TMEM51: variants seen among roughly 807,000 people sequenced by gnomAD.
The protein encoded by TMEM51 is chromosome 1 open reading frame 72.
Under a neutral mutation model 13.6 loss-of-function variants are expected in TMEM51, and 8 were observed. The ratio of observed to expected loss-of-function variants is 0.59; its 90% CI spans 0.35 to 1.07. TMEM51 has a LOEUF of 1.07. TMEM51 is among the 50% of genes least tolerant of loss of function. The pLI, the probability that TMEM51 is intolerant of heterozygous loss-of-function variation, is 0.02. For missense variants in TMEM51, 279 were observed against 330.7 expected, an observed-to-expected ratio of 0.84 and a Z score of 1.21; for synonymous variants, 147 against 144.4, an observed-to-expected ratio of 1.02 and a Z score of -0.13.
At chr1:15,171,671 CT>C (rs1450144462) in intron 1 of TMEM51, among the ~76,000 whole-genome samples, 2 of 152,228 alleles carry the variant, frequency 1.3e-5, no homozygotes, top group Non-Finnish European at 2.9e-5. Flanking sequence ...CATCTCCCAG[CT>C]TTCCACAGAT....
chr1:15,192,449 T>TTCTATTC, intron 1 of TMEM51: 1 of 161,774 alleles, frequency 6.2e-6, no homozygotes, highest in Non-Finnish European at 1.0e-5. Flanking sequence ...TTTCTTTCTT[T>TTCTATTC]CTTTTCTTTT....
intron 1 of TMEM51, among the ~76,000 whole-genome samples, chr1:15,155,498 G>T (rs1270518975): frequency 6.6e-6 from 1 of 152,216 alleles, no homozygotes; most frequent in Non-Finnish European, 1.5e-5. Context: ...ATGTCACAGG[G>T]CTTAGACGAG....
At chr1:15,200,958 G>T (rs534305240) in intron 1 of TMEM51, among the ~76,000 whole-genome samples, 10 of 152,242 alleles carry the variant, frequency 6.6e-5, no homozygotes, top group African/African-American at 2.4e-4. Context: ...GGGGGGCCCG[G>T]GAGGCACCAG....
intron 1 of TMEM51, among the ~76,000 whole-genome samples, chr1:15,173,512 C>T (rs1313035131): frequency 5.3e-5 from 8 of 152,134 alleles, no homozygotes; most frequent in African/African-American, 1.2e-4. Context: ...TGAGCTACTG[C>T]GCCTGGCCAA....
At chr1:15,158,585 T>G (rs1367561788) in intron 1 of TMEM51, among the ~76,000 whole-genome samples, 7 of 152,212 alleles carry the variant, frequency 4.6e-5, no homozygotes, top group African/African-American at 1.7e-4. Flanking sequence ...CATGCTCATC[T>G]CCAAACCCTG....
chr1:15,173,280 C>A (rs1026611900), intron 1 of TMEM51, among the ~76,000 whole-genome samples: 4 of 141,454 alleles, frequency 2.8e-5, no homozygotes, highest in African/African-American at 1.1e-4. Flanking sequence ...AGTGCAGTGG[C>A]GCAATCTCGG....
chr1:15,166,442 T>C (rs761800212), intron 1 of TMEM51, among the ~76,000 whole-genome samples: 23 of 152,164 alleles, frequency 1.5e-4, no homozygotes, highest in Non-Finnish European at 2.6e-4. Context: ...CACCCAAGGC[T>C]GGGCACGGTG....
chr1:15,163,632 A>ATTTTTTTTTTT (rs1249195394), intron 1 of TMEM51, among the ~76,000 whole-genome samples: 1 of 151,908 alleles, frequency 6.6e-6, no homozygotes. Context: ...CGAGACTGTT[A>ATTTTTTTTTTT]TTTTTTGTAA....
intron 1 of TMEM51, among the ~76,000 whole-genome samples, chr1:15,187,970 T>C (rs1432057111): frequency 6.6e-6 from 1 of 152,250 alleles, no homozygotes; most frequent in Non-Finnish European, 1.5e-5. Flanking sequence ...TGGCATTAGC[T>C]GCTCGCGCTG....
At chr1:15,182,481 C>T (rs917468492) in intron 1 of TMEM51, among the ~76,000 whole-genome samples, 4 of 152,240 alleles carry the variant, frequency 2.6e-5, no homozygotes, top group African/African-American at 7.2e-5. Context: ...GCTGTTCAAG[C>T]TCTGGGTCTC....
intron 1 of TMEM51, among the ~76,000 whole-genome samples, chr1:15,157,576 T>C (rs1239333522): frequency 6.6e-6 from 1 of 152,184 alleles, no homozygotes; most frequent in Non-Finnish European, 1.5e-5. Flanking sequence ...CCCCTTTCTG[T>C]CTGCACTTCA....
At chr1:15,159,102 GT>G (rs1353664076) in intron 1 of TMEM51, among the ~76,000 whole-genome samples, 1 of 152,222 alleles carries the variant, frequency 6.6e-6, no homozygotes, top group Non-Finnish European at 1.5e-5. Context: ...GAGCTGAGTG[GT>G]GGAGGCAGGG....
chr1:15,174,718 T>G (rs1163976650), intron 1 of TMEM51, among the ~76,000 whole-genome samples: 2 of 151,762 alleles, frequency 1.3e-5, no homozygotes, highest in Non-Finnish European at 2.9e-5. Context: ...TTCTGGGGGG[T>G]GTAGTTTAAG....
chr1:15,183,942 C>G (rs780373709), intron 1 of TMEM51, among the ~76,000 whole-genome samples: 1 of 152,198 alleles, frequency 6.6e-6, no homozygotes, highest in Non-Finnish European at 1.5e-5. Context: ...TGAAGGTGCA[C>G]GTGCCTCCTG....
chr1:15,160,888 C>T (rs945881623), intron 1 of TMEM51, among the ~76,000 whole-genome samples: 9 of 147,082 alleles, frequency 6.1e-5, no homozygotes, highest in Admixed American at 3.4e-4. Context: ...TGATCCCCCA[C>T]GGGAGGCAGC....
rs1391713826 is a variant in TMEM51, at chr1:15,214,998, G to C, written c.-90G>C. ...CTAGTGTGGGGCGAGAGATTTTGTGGAGCGCATTTAAGGGGTTTTTGTTGT... is the reference window on the plus strand; with the variant it reads ...CTAGTGTGGGGCGAGAGATTTTGTGCAGCGCATTTAAGGGGTTTTTGTTGT... On this transcript the variant is annotated 5_prime_UTR_variant, in exon 3 of 4. Transcript: ENST00000376008. 2.5e-6 allele frequency: 3 copies of C among 1,211,408 alleles called. No individual in the cohort carries two copies. In the Admixed American group the frequency reaches 6.8e-5, roughly 27 times the overall value. 75.0% of individuals were successfully genotyped at this position (1,211,408 alleles called of 1,614,324 possible).
At chr1:15,211,474 G>A (rs768591463) in intron 2 of TMEM51, among the ~76,000 whole-genome samples, 5 of 152,118 alleles carry the variant, frequency 3.3e-5, no homozygotes, top group Non-Finnish European at 5.9e-5. Flanking sequence ...ACTTACTGTT[G>A]TGCTGGTCAC....
intron 1 of TMEM51, among the ~76,000 whole-genome samples, chr1:15,162,872 T>G (rs1307633710): frequency 6.6e-6 from 1 of 151,232 alleles, no homozygotes; most frequent in Non-Finnish European, 1.5e-5. Flanking sequence ...GAATGGGGAG[T>G]TAGGGTTTAA....
intron 1 of TMEM51, among the ~76,000 whole-genome samples, chr1:15,159,422 C>G (rs949425022): frequency 6.6e-6 from 1 of 152,212 alleles, no homozygotes; most frequent in Non-Finnish European, 1.5e-5. Flanking sequence ...ACTAGGAATT[C>G]ATGTTTATCC....
Sources: gnomAD v4.1 joint callset for allele counts (sites outside exome capture counted in the v4.1 genomes callset) on GRCh38, gnomAD v4.1.1 for gene constraint, MANE v1.5 for transcripts, NCBI Gene and HGNC (gene_info 2026-07-23, HGNC 2026-07-21) for gene names.